The following LAMA5 variants were observed in gnomAD, a reference collection of about 807,000 sequenced individuals.
The protein encoded by LAMA5 is laminin subunit alpha 5, also known as laminin subunit alpha-5.
Under a neutral mutation model 433.4 loss-of-function variants are expected in LAMA5, and 260 were observed. That is an observed-to-expected ratio of 0.60 (90% CI 0.54 to 0.66). LAMA5 has a LOEUF of 0.66. LAMA5 is among the 30% of genes least tolerant of loss of function. LAMA5 has a pLI of 0.00. For missense variants in LAMA5, 5,378 were observed against 5,258.5 expected (o/e 1.02, Z -0.70); for synonymous variants, 2,620 against 2,226.6 (o/e 1.18, Z -4.97).
chr20:62,345,754 T>C (rs2146276908), intron 11 of LAMA5, 64 bp downstream of exon 11: 1 of 1,215,476 alleles, frequency 8.2e-7, no homozygotes, highest in Non-Finnish European at 1.2e-6. Flanking sequence ...CCAGGAACTT[T>C]CTGTGAAGCC....
chr20:62,328,660 G>A (rs1487445261), intron 34 of LAMA5, among the ~76,000 whole-genome samples, 184 bp downstream of exon 34: 2 of 152,338 alleles, frequency 1.3e-5, no homozygotes, highest in African/African-American at 2.4e-5. Context: ...CCACCTGCTG[G>A]TCCCTGAAAC....
At position 62,316,659 on chromosome 20, in the gene LAMA5, C is replaced by A. The variant is rs561350777; in HGVS notation, c.7756+12G>T. The A allele has an allele frequency of 6.4e-7, 1 of 1,564,158 alleles. No individual in the cohort carries two copies. The highest frequency in any genetic ancestry group is 1.4e-5 in the African/African-American group (1 of 73,898). The stretch of plus-strand genomic sequence containing the variant: ...GCAGGCCTAAGGGCCCCCATCGGAG[C>A]CCAGCACTCACCAAGGCCCAGCCTC... On this transcript the variant is annotated intron_variant, in intron 57 of 79. Transcript: ENST00000252999.
chr20:62,327,573 C>T lies in LAMA5; in HGVS notation c.4894G>A (p.Gly1632Arg). 1.2e-6 allele frequency: 2 copies of T among 1,612,946 alleles called. No individual in the cohort carries two copies. The highest frequency in any genetic ancestry group is 1.7e-6 in the Non-Finnish European group (2 of 1,180,014). The change falls in exon 37 of 80, where the codon GGG becomes AGG. Residue 1632 changes from glycine (G) to arginine (R), a missense_variant. Transcript: ENST00000252999. ...PKGCTRCFCF[G>R]ATERCRSSSY... ...GAGCTCCGGCAGCGCTCCGTGGCCC[C>T]AAAGCAGAAGCAGCGGGTGCAACCT... is the stretch of plus-strand genomic sequence containing the variant.
chr20:62,313,082 G>A lies in LAMA5; in HGVS notation c.8955+6C>T. The A allele has an allele frequency of 1.9e-6, 3 of 1,608,770 alleles. No homozygotes were observed. Among genetic ancestry groups the A allele is most frequent in the Non-Finnish European group, 2.5e-6 (3 of 1,179,076 alleles). ...GGGGATGGCAGGACGGGTGTGCCTG[G>A]CGCACCTGCTGCTTCAGGAAGAAGA... On this transcript the variant is annotated splice_donor_region_variant and intron_variant, in intron 65 of 79. Transcript: ENST00000252999.
rs1401529109 is a variant in LAMA5, at chr20:62,356,613, C to T, written c.451-3362G>A. 2.0e-5 allele frequency: 3 copies of T among 151,930 alleles called. 1 individual carries two copies. Among genetic ancestry groups the T allele is most frequent in the Non-Finnish European group, 4.4e-5 (3 of 67,988 alleles). The allele number at this position is 151,930 out of a possible 1,614,324, so 9.4% of individuals were successfully genotyped here. A position where few individuals can be genotyped will look rare whatever the true frequency, so the allele number is the denominator to read the frequency against. ...GCTTGCCCTGGGAGGGCCACGGTTC[C>T]CAGAGGAGGCCTCTGCCCGGTGACC... On this transcript the variant is annotated intron_variant, in intron 2 of 79. Transcript: ENST00000252999.
rs563222403 is a variant in LAMA5, at chr20:62,331,181, G to A, written c.3553-52C>T. 4 of 1,228,062 alleles carry A rather than the reference G, an allele frequency of 3.3e-6. No homozygotes were observed. The Admixed American group carries it at 1.2e-4, about 36-fold the overall frequency. 76.1% of individuals were successfully genotyped at this position (1,228,062 alleles called of 1,614,324 possible). ...AACGCCCGTGGTGCGGGGAGGATAG[G>A]GGGTGCAGGCGGTACGATGGGGGGG... On this transcript the variant is annotated intron_variant, in intron 28 of 79. Transcript: ENST00000252999.
chr20:62,340,800 T>G (rs1461991091), intron 11 of LAMA5, among the ~76,000 whole-genome samples: 1 of 151,630 alleles, frequency 6.6e-6, no homozygotes, highest in African/African-American at 2.4e-5. Flanking sequence ...TTTAGGAGGC[T>G]GAGGTGGGTG....
rs1326074553 is a variant in LAMA5, at chr20:62,332,494, G to A, written c.3444-14C>T. On this transcript the variant is annotated splice_polypyrimidine_tract_variant and intron_variant, in intron 27 of 79. Transcript: ENST00000252999. ...CGGCACAGGGTGCTGTGGGGGGAGG[G>A]TGGTCAGCAGGTGGGGCAGCCCCGG... The A allele has an allele frequency of 5.0e-6, 8 of 1,610,928 alleles. No individual in the cohort carries two copies. The highest frequency in any genetic ancestry group is 6.8e-6 in the Non-Finnish European group (8 of 1,178,822).
In LAMA5 at chr20:62,346,897, GGGA is replaced by G. The variant is rs753836583; in HGVS notation, c.1072+13_1072+15del. ...GGGTGTGGGCAGGACACACGTGTGTGGGAGGAGGCACTCACACTGGCACTCGTT... is the reference window on the plus strand; with the variant it reads ...GGGTGTGGGCAGGACACACGTGTGTGGGAGGCACTCACACTGGCACTCGTT... On this transcript the variant is annotated intron_variant, in intron 7 of 79. Transcript: ENST00000252999. The G allele has an allele frequency of 1.9e-6, 3 of 1,611,442 alleles. No individual in the cohort carries two copies. In the South Asian group the frequency reaches 3.3e-5, roughly 18 times the overall value.
intron 2 of LAMA5, among the ~76,000 whole-genome samples, chr20:62,360,133 C>T (rs983179893): frequency 6.6e-6 from 1 of 151,026 alleles, no homozygotes; most frequent in Non-Finnish European, 1.5e-5. Flanking sequence ...CTGCCCCCAC[C>T]CTGACCAAGG....
chr20:62,320,595 T>A lies in LAMA5; in HGVS notation c.6723A>T (p.Thr2241=), dbSNP rs776627920. Residue 2241 remains threonine (T), a synonymous_variant, in exon 50 of 80, where the codon ACA becomes ACT. Transcript: ENST00000252999. ...GCCGCCGTGCGTCCTGCCCGAGGCT[T>A]GTGCTCTGCTGCTCCAGCACCTCCA... is the stretch of plus-strand genomic sequence containing the variant. ...QQLEVLEQQS[T]SLGQDARRLG... 8.7e-6 allele frequency: 14 copies of A among 1,605,692 alleles called. No individual in the cohort carries two copies. The highest frequency in any genetic ancestry group is 1.0e-5 in the Non-Finnish European group (12 of 1,178,888).
rs28372948 is a variant in LAMA5 at position 62,353,012 on chromosome 20, C to T, written c.568+122G>A. On this transcript the variant is annotated intron_variant, in intron 3 of 79. Coordinates refer to ENST00000252999, the MANE Select transcript of LAMA5 (RefSeq NM_005560.6). ...CGGGTCCTCGTCTGACAGTCATGACCGCAGCAGCCGGGTGTGAGGGCAGGG... is the reference window on the plus strand; with the variant it reads ...CGGGTCCTCGTCTGACAGTCATGACTGCAGCAGCCGGGTGTGAGGGCAGGG... 0.065 allele frequency: 45,075 copies of T among 690,182 alleles called. 1,912 individuals are homozygous for T. The highest frequency in any genetic ancestry group is 0.16 in the South Asian group (8,478 of 51,830). The allele number at this position is 690,182 out of a possible 1,614,324, so 42.8% of individuals were successfully genotyped here.
chr20:62,348,125 G>T (rs1983656588), intron 6 of LAMA5, among the ~76,000 whole-genome samples: 1 of 152,180 alleles, frequency 6.6e-6, no homozygotes, highest in African/African-American at 2.4e-5. Flanking sequence ...ATACCCTGGG[G>T]TGTATAGCAA....
At position 62,322,664 on chromosome 20, in the gene LAMA5, G is replaced by T; in HGVS notation, c.6159C>A (p.Arg2053=). ...GCTTACCCCACAGCCCTACCTGGCA[G>T]CGGTCACAGCGCCGCCCAGTCACGC... ...KAGVTGRRCD[R]CQEGHFGFDG... Residue 2053 remains arginine, a synonymous_variant, in exon 46 of 80, where the codon CGC becomes CGA. Transcript: ENST00000252999. 6.6e-7 allele frequency: 1 copy of T among 1,506,578 alleles called. No homozygotes were observed. The allele number at this position is 1,506,578 out of a possible 1,614,324, so 93.3% of individuals were successfully genotyped here.
Position 62,316,047 on chromosome 20 carries a change from G to A in LAMA5, c.7768C>T (p.Leu2590Phe). Residue 2590 changes from leucine to phenylalanine, a missense_variant, in exon 58 of 80, where the codon CTC (leucine) becomes TTC (phenylalanine). Leu to Phe is a conservative substitution (Grantham distance 22). Coordinates refer to ENST00000252999, the MANE Select transcript of LAMA5 (RefSeq NM_005560.6). ...CGGAGCTGGGTCCTGGCACCCTGGA[G>A]GGCAGCCCACACTGCGGGGGAGGCA... ...QQRLGLVWAA[L>F]QGARTQLRDV... 2 of 1,607,840 alleles carry A rather than the reference G, an allele frequency of 1.2e-6. No individual in the cohort carries two copies. Among genetic ancestry groups the A allele is most frequent in the Non-Finnish European group, 8.5e-7 (1 of 1,178,890 alleles).
At position 62,320,596 on chromosome 20, in the gene LAMA5, G is replaced by A. The variant is rs1024147828; in HGVS notation, c.6722C>T (p.Thr2241Ile). The A allele has an allele frequency of 5.0e-6, 8 of 1,606,006 alleles. No individual in the cohort carries two copies. In the East Asian group the frequency reaches 6.7e-5, roughly 13 times the overall value. ...QQLEVLEQQS[T>I]SLGQDARRLG... ...CCGCCGTGCGTCCTGCCCGAGGCTT[G>A]TGCTCTGCTGCTCCAGCACCTCCAG... is the stretch of plus-strand genomic sequence containing the variant. The change falls in exon 50 of 80, where the codon ACA becomes ATA. Residue 2241 changes from threonine to isoleucine, a missense_variant. Thr to Ile is a moderately conservative substitution (Grantham distance 89, BLOSUM62 -1). Transcript: ENST00000252999.
Position 62,333,426 on chromosome 20 carries a change from C to CGCAGCT in LAMA5, c.3071_3076dup (p.Gln1024_Leu1025dup). The CGCAGCT allele has an allele frequency of 6.2e-7, 1 of 1,612,750 alleles. No homozygotes were observed. Among genetic ancestry groups the CGCAGCT allele is most frequent in the Non-Finnish European group, 8.5e-7 (1 of 1,179,894 alleles). Reference sequence around the variant, plus strand: ...ACGGTATGTGCAGGCCTCAGTCACCCGCAGCTGCAGGAGCGCCGCCTCGTA... The same window carrying CGCAGCT: ...ACGGTATGTGCAGGCCTCAGTCACCCGCAGCTGCAGCTGCAGGAGCGCCGCCTCGTA... On this transcript the variant is annotated inframe_insertion, in exon 25 of 80. Coordinates refer to ENST00000252999, the MANE Select transcript of LAMA5 (RefSeq NM_005560.6).
At position 62,313,343 on chromosome 20, in the gene LAMA5, C is replaced by T. The variant is rs1010262270; in HGVS notation, c.8776G>A (p.Asp2926Asn). ...ERTFQLDTAV[D>N]RPCARSKSTG... ...CACACGCACCGGGCACAAGGCCTGT[C>T]CACAGCCGTGTCCAGCTGGAAGGTC... is the stretch of plus-strand genomic sequence containing the variant. Residue 2926 changes from aspartate (D) to asparagine (N), a missense_variant, in exon 64 of 80, where the codon GAC becomes AAC. By Grantham distance (23) the Asp-to-Asn change is conservative. Transcript: ENST00000252999. The T allele has an allele frequency of 1.3e-6, 2 of 1,565,768 alleles. No individual in the cohort carries two copies. Among genetic ancestry groups the T allele is most frequent in the Admixed American group, 1.9e-5 (1 of 52,838 alleles).
rs370515966 is a variant in LAMA5, at chr20:62,351,646, A to G, written c.956+58T>C. On this transcript the variant is annotated intron_variant, in intron 6 of 79. Transcript: ENST00000252999. ...CAGGTTAGGCAGGGGTGACAAGGAC[A>G]GGCAGGGAGCTGGGGGGGGCCTCAC... 5.9e-6 allele frequency: 9 copies of G among 1,538,168 alleles called. No individual in the cohort carries two copies. In the East Asian group the frequency reaches 6.9e-5, roughly 12 times the overall value.
Sources: allele counts gnomAD v4.1 joint callset (sites outside exome capture counted in the v4.1 genomes callset), GRCh38; gene constraint gnomAD v4.1.1; transcripts MANE v1.5; gene names NCBI Gene and HGNC (gene_info 2026-07-23, HGNC 2026-07-21).